Variants in DENND4A observed in about 807,000 individuals in gnomAD.
The protein encoded by DENND4A is C-myc promoter-binding protein.
A neutral mutation model predicts 199.3 loss-of-function variants in DENND4A; 70 were observed. The ratio of observed to expected loss-of-function variants is 0.35; its 90% CI spans 0.29 to 0.43. The LOEUF (loss-of-function observed/expected upper bound fraction) is 0.43. DENND4A is among the 20% of genes least tolerant of loss of function. The pLI, the probability that DENND4A is intolerant of heterozygous loss-of-function variation, is 1.00. For synonymous variants in DENND4A, 686 were observed against 766.9 expected (o/e 0.89, Z 1.74); for missense variants, 1,723 against 2,255.8 (o/e 0.76, Z 4.78).
intron 4 of DENND4A, among the ~76,000 whole-genome samples, chr15:65,751,773 T>C (rs2076569208): frequency 6.6e-6 from 1 of 152,078 alleles, no homozygotes; most frequent in South Asian, 2.1e-4. Context: ...TATTGATCTC[T>C]GGATATGACA....
intron 25 of DENND4A, 117 bp from the exon 26 acceptor site, chr15:65,670,305 T>C (rs770566451): frequency 4.9e-6 from 4 of 822,238 alleles, no homozygotes; most frequent in South Asian, 6.3e-5. Context: ...TCAGATGCTA[T>C]ACACAAACAC....
chr15:65,766,045 T>C (rs983130235), intron 1 of DENND4A, among the ~76,000 whole-genome samples: 2 of 152,074 alleles, frequency 1.3e-5, no homozygotes, highest in Non-Finnish European at 2.9e-5. Context: ...GGTCAGGAGC[T>C]CAAGACCAGC....
Position 65,659,387 on chromosome 15 carries a change from G to A in DENND4A, c.*2464C>T, listed in dbSNP as rs986658326. 4 of 120,950 alleles carry A rather than the reference G, an allele frequency of 3.3e-5. No individual in the cohort carries two copies. Among genetic ancestry groups the A allele is most frequent in the Non-Finnish European group, 6.4e-5 (4 of 62,578 alleles). The allele number at this position is 120,950 out of a possible 1,614,324, so 7.5% of individuals were successfully genotyped here. A position where few individuals can be genotyped will look rare whatever the true frequency, so the allele number is the denominator to read the frequency against. On this transcript the variant is annotated 3_prime_UTR_variant, in exon 33 of 33. Coordinates refer to ENST00000443035, the MANE Select transcript of DENND4A (RefSeq NM_001320835.1). ...CTTGCTCTGTAATCCAGGCTAGAGTGCAATGGCATGATCACAGCTCATTGC... is the reference window on the plus strand; with the variant it reads ...CTTGCTCTGTAATCCAGGCTAGAGTACAATGGCATGATCACAGCTCATTGC...
chr15:65,729,376 T>C, intron 10 of DENND4A, 129 bp from the exon 11 acceptor site: 1 of 1,361,314 alleles, frequency 7.3e-7, no homozygotes, highest in Non-Finnish European at 1.0e-6. Flanking sequence ...GAAATAATTA[T>C]AACTAGAGTT....
chr15:65,782,661 A>G (rs181166908), intron 1 of DENND4A, among the ~76,000 whole-genome samples: 13 of 152,282 alleles, frequency 8.5e-5, no homozygotes, highest in Admixed American at 7.2e-4. Context: ...AAACAAAAAA[A>G]TAAAATAAAA....
intron 32 of DENND4A, 59 bp from the exon 33 acceptor site, chr15:65,662,046 T>C: frequency 3.5e-6 from 5 of 1,430,330 alleles, no homozygotes; most frequent in Non-Finnish European, 4.8e-6. Flanking sequence ...TGTTGAAAAC[T>C]ATCAAGTTTC....
intron 1 of DENND4A, among the ~76,000 whole-genome samples, chr15:65,762,853 G>C (rs1338438099): frequency 2.0e-5 from 3 of 151,982 alleles, no homozygotes; most frequent in African/African-American, 7.3e-5. Context: ...GTGGAGGTTG[G>C]GGGTATCCTG....
chr15:65,668,211 T>TC (rs1366535546), intron 27 of DENND4A, 88 bp from the exon 28 acceptor site: 62 of 181,718 alleles, frequency 3.4e-4, no homozygotes, highest in East Asian at 2.2e-3. Context: ...TCTCTCTCTC[T>TC]TTTTTTTTTT....
At chr15:65,780,540 A>G (rs930799134) in intron 1 of DENND4A, among the ~76,000 whole-genome samples, 1 of 152,238 alleles carries the variant, frequency 6.6e-6, no homozygotes, top group Non-Finnish European at 1.5e-5. Context: ...TCAACTTTCC[A>G]TGACATTTTC....
chr15:65,714,122 TTA>T (rs2075323233), intron 14 of DENND4A, among the ~76,000 whole-genome samples: 1 of 152,120 alleles, frequency 6.6e-6, no homozygotes, highest in Non-Finnish European at 1.5e-5. Flanking sequence ...AGAAACTTTA[TTA>T]TCTTTGGCCG....
rs199813601 is a variant in DENND4A, at chr15:65,722,915, T to C, written c.1521A>G (p.Ile507Met). ...GATTTTTACATGGCTTCTTTGGAAG[T>C]ATCTTCCAGGCTACATTTTTCTTGT... is the stretch of plus-strand genomic sequence containing the variant. ...IGDKKNVAWK[I>M]LPKKPCKNLM... Residue 507 changes from isoleucine (I) to methionine (M), a missense_variant, in exon 12 of 33, where the codon ATA becomes ATG. Ile to Met is a conservative substitution (Grantham distance 10). This residue lies in a region of DENND4A where 725 missense variants were observed against 952.9 expected (regional missense o/e 0.76). Coordinates refer to ENST00000443035, the MANE Select transcript of DENND4A (RefSeq NM_001320835.1). 6.2e-5 allele frequency: 100 copies of C among 1,609,312 alleles called. 1 individual carries two copies. In the Admixed American group the frequency reaches 9.4e-4, roughly 15 times the overall value.
intron 29 of DENND4A, among the ~76,000 whole-genome samples, chr15:65,666,604 T>C (rs8030562): frequency 0.57 from 86,003 of 151,850 alleles, 27,029 homozygotes; most frequent in African/African-American, 0.84. Flanking sequence ...GACTGCTGTA[T>C]AGATATCCTT....
intron 1 of DENND4A, among the ~76,000 whole-genome samples, chr15:65,780,666 G>A (rs2572208): frequency 0.2 from 30,137 of 152,176 alleles, 4,023 homozygotes; most frequent in East Asian, 0.73. Context: ...TAAGGGCAAC[G>A]ATAGTTATAA....
chr15:65,780,871 C>T (rs2077419262), intron 1 of DENND4A, among the ~76,000 whole-genome samples: 1 of 152,206 alleles, frequency 6.6e-6, no homozygotes, highest in African/African-American at 2.4e-5. Flanking sequence ...GGGTCTGGAA[C>T]CAACTACTTT....
chr15:65,684,400 C>T (rs1230590957), intron 23 of DENND4A, among the ~76,000 whole-genome samples: 1 of 152,200 alleles, frequency 6.6e-6, no homozygotes, highest in Non-Finnish European at 1.5e-5. Flanking sequence ...TGGATTATAG[C>T]CATTCCTCTA....
At chr15:65,663,232 G>A (rs536810082) in intron 32 of DENND4A, among the ~76,000 whole-genome samples, 2 of 136,486 alleles carry the variant, frequency 1.5e-5, no homozygotes, top group African/African-American at 2.9e-5. Flanking sequence ...TTGGTTAGAC[G>A]GAGTTTCACT....
chr15:65,695,959 T>C (rs1273088806), intron 22 of DENND4A, among the ~76,000 whole-genome samples: 1 of 152,116 alleles, frequency 6.6e-6, no homozygotes, highest in Non-Finnish European at 1.5e-5. Flanking sequence ...TATTGGGTAT[T>C]GTTACTTAAA....
At chr15:65,748,297 G>A (rs1263317549) in intron 4 of DENND4A, among the ~76,000 whole-genome samples, 2 of 151,682 alleles carry the variant, frequency 1.3e-5, no homozygotes, top group African/African-American at 2.4e-5. Context: ...AAGATAGGGT[G>A]AGAAAAAATA....
intron 9 of DENND4A, chr15:65,731,341 GTTAA>G (rs754616035): frequency 7.1e-5 from 30 of 422,526 alleles, no homozygotes; most frequent in Middle Eastern, 3.4e-4. Context: ...TTCTTCAGAG[GTTAA>G]TTAAAGCTAA....
Sources: gnomAD v4.1 joint callset for allele counts (sites outside exome capture counted in the v4.1 genomes callset) on GRCh38, gnomAD v4.1.1 for gene constraint, gnomAD v4.1.1 regional missense constraint, MANE v1.5 for transcripts, NCBI Gene and HGNC (gene_info 2026-07-23, HGNC 2026-07-21) for gene names.